SYCP2L: variants seen among roughly 807,000 people sequenced by gnomAD.
SYCP2L encodes synaptonemal complex protein 2-like.
In SYCP2L, 98 loss-of-function variants were observed where a neutral mutation model predicts 125.8. The observed-to-expected ratio is 0.78, with a 90% CI of 0.66 to 0.92. SYCP2L has a LOEUF of 0.92. Among genes scored for constraint, SYCP2L ranks in the 40% least tolerant of loss-of-function variants. SYCP2L has a pLI of 0.00. For synonymous variants in SYCP2L, 317 were observed against 325.4 expected, an observed-to-expected ratio of 0.97 and a Z score of 0.28; for missense variants, 842 against 936.4, an observed-to-expected ratio of 0.90 and a Z score of 1.32.
intron 2 of SYCP2L, among the ~76,000 whole-genome samples, chr6:10,892,230 C>T (rs1389904182): frequency 6.6e-6 from 1 of 152,242 alleles, no homozygotes; most frequent in East Asian, 1.9e-4. Context: ...TGTCAGAGAT[C>T]AGATCATGCC....
chr6:10,916,354 A>G (rs568690837), intron 14 of SYCP2L, among the ~76,000 whole-genome samples: 2 of 151,862 alleles, frequency 1.3e-5, no homozygotes, highest in Non-Finnish European at 2.9e-5. Context: ...CTTTTCTTCT[A>G]CGGGGTTTGA....
At chr6:10,921,251 G>A (rs1780796822) in intron 14 of SYCP2L, among the ~76,000 whole-genome samples, 1 of 152,072 alleles carries the variant, frequency 6.6e-6, no homozygotes, top group Non-Finnish European at 1.5e-5. Flanking sequence ...AGGTGTGTAT[G>A]TACCACATTT....
At chr6:10,931,307 A>G in intron 19 of SYCP2L, 133 bp from the exon 20 acceptor site, 1 of 795,604 alleles carries the variant, frequency 1.3e-6, no homozygotes, top group Non-Finnish European at 2.1e-6. Context: ...AAAGGATCTT[A>G]AGAGTAGACA....
chr6:10,897,527 T>G (rs1780278187), intron 4 of SYCP2L, among the ~76,000 whole-genome samples: 1 of 151,780 alleles, frequency 6.6e-6, no homozygotes, highest in South Asian at 2.1e-4. Flanking sequence ...TCCTCATACC[T>G]CAGCCTCCCA....
At chr6:10,968,666 G>A (rs1581848047) in intron 29 of SYCP2L, among the ~76,000 whole-genome samples, 1 of 152,314 alleles carries the variant, frequency 6.6e-6, no homozygotes, top group East Asian at 1.9e-4. Context: ...GTAGGGGCAG[G>A]AGAGAAAGAC....
intron 19 of SYCP2L, 140 bp from the exon 20 acceptor site, chr6:10,931,300 G>A: frequency 1.3e-6 from 1 of 742,226 alleles, no homozygotes; most frequent in Non-Finnish European, 2.3e-6. Context: ...AATCAGGAAA[G>A]GATCTTAAGA....
chr6:10,945,560 A>T (rs1341858093), intron 23 of SYCP2L, among the ~76,000 whole-genome samples: 1 of 152,184 alleles, frequency 6.6e-6, no homozygotes, highest in African/African-American at 2.4e-5. Context: ...ACCTGCGGTC[A>T]GGAGTTCAAG....
chr6:10,907,817 T>G (rs1780524577), intron 10 of SYCP2L, 133 bp downstream of exon 10: 1 of 819,244 alleles, frequency 1.2e-6, no homozygotes, highest in Non-Finnish European at 1.9e-6. Flanking sequence ...CTTGAACTTG[T>G]TTCTCACTTA....
At chr6:10,966,747 A>G (rs1472969433) in intron 29 of SYCP2L, among the ~76,000 whole-genome samples, 2 of 152,232 alleles carry the variant, frequency 1.3e-5, no homozygotes, top group East Asian at 3.8e-4. Context: ...AAACCATAGG[A>G]GGAGGAGTAA....
intron 18 of SYCP2L, 117 bp downstream of exon 18, chr6:10,928,567 T>TA: frequency 7.3e-7 from 1 of 1,375,508 alleles, no homozygotes. Flanking sequence ...TCTGTCAATT[T>TA]AAAAAAATTT....
chr6:10,906,130 A>C, intron 9 of SYCP2L, 76 bp downstream of exon 9: 2 of 805,526 alleles, frequency 2.5e-6, no homozygotes, highest in South Asian at 3.4e-5. Flanking sequence ...TCTTGGGACT[A>C]TGGGGAATAA....
intron 14 of SYCP2L, among the ~76,000 whole-genome samples, chr6:10,916,825 A>G (rs1284779124): frequency 6.6e-6 from 1 of 152,130 alleles, no homozygotes; most frequent in Non-Finnish European, 1.5e-5. Flanking sequence ...CCCTGTCTCT[A>G]CTAAAAATAC....
intron 1 of SYCP2L, 51 bp downstream of exon 1, chr6:10,887,186 G>T (rs1457782052): frequency 1.2e-6 from 2 of 1,610,582 alleles, no homozygotes; most frequent in South Asian, 2.2e-5. Context: ...GCTAGGGCGC[G>T]CGAGGGCGCG....
intron 17 of SYCP2L, among the ~76,000 whole-genome samples, chr6:10,928,036 A>G (rs924789744): frequency 1.3e-5 from 2 of 152,110 alleles, no homozygotes; most frequent in African/African-American, 2.4e-5. Flanking sequence ...TTCCCTGAAC[A>G]TTGCTGTTAT....
At chr6:10,890,766 C>T (rs1176466963) in intron 1 of SYCP2L, among the ~76,000 whole-genome samples, 1 of 152,152 alleles carries the variant, frequency 6.6e-6, no homozygotes, top group Non-Finnish European at 1.5e-5. Context: ...TTTGCCCAGA[C>T]CAATGTCCTA....
At chr6:10,945,711 G>T (rs911528173) in intron 23 of SYCP2L, among the ~76,000 whole-genome samples, 1 of 147,566 alleles carries the variant, frequency 6.8e-6, no homozygotes, top group Non-Finnish European at 1.5e-5. Flanking sequence ...CGGAGGTTGC[G>T]GTGAGCCAAG....
chr6:10,940,704 G>A lies in SYCP2L; in HGVS notation c.1814-1755G>A, dbSNP rs1046785333. 3.3e-5 allele frequency among the ~76,000 whole-genome samples: 5 copies of A among 152,096 alleles called. No individual in the cohort carries two copies. The East Asian group carries it at 5.8e-4, about 18-fold the overall frequency. Reference sequence around the variant, plus strand: ...TGGGGGGAAAGAGGAGATGGTCCTCGAAGGATATAAACTTTCAGGCATAAC... The same window carrying A: ...TGGGGGGAAAGAGGAGATGGTCCTCAAAGGATATAAACTTTCAGGCATAAC... On this transcript the variant is annotated intron_variant, in intron 21 of 29. Transcript: ENST00000283141.
chr6:10,957,153 T>TC (rs1243510092), intron 25 of SYCP2L, among the ~76,000 whole-genome samples: 1 of 152,178 alleles, frequency 6.6e-6, no homozygotes, highest in Non-Finnish European at 1.5e-5. Flanking sequence ...CAATTATACT[T>TC]CAACAAAGCT....
In SYCP2L at chr6:10,897,893, A is replaced by G. The variant is rs114099421; in HGVS notation, c.337-118A>G. 4.0e-3 allele frequency: 2,805 copies of G among 699,966 alleles called. 56 individuals are homozygous for G. The African/African-American group carries it at 0.044, about 11-fold the overall frequency. 43.4% of individuals were successfully genotyped at this position (699,966 alleles called of 1,614,324 possible). ...CAGAGCCAGGCCTCATTGAAATGGA[A>G]TGGAATGGGAAAAGATCTTTAAGAT... On this transcript the variant is annotated intron_variant, in intron 4 of 29. Transcript: ENST00000283141.
Sources: gnomAD v4.1 joint callset for allele counts (sites outside exome capture counted in the v4.1 genomes callset) on GRCh38, gnomAD v4.1.1 for gene constraint, MANE v1.5 for transcripts, NCBI Gene and HGNC (gene_info 2026-07-23, HGNC 2026-07-21) for gene names.